The following ASMTL variants were observed in gnomAD, a reference collection of about 807,000 sequenced individuals.
The protein encoded by ASMTL is acetylserotonin O-methyltransferase like.
Under a neutral mutation model 60.3 loss-of-function variants are expected in ASMTL, and 57 were observed. The ratio of observed to expected loss-of-function variants is 0.95; its 90% CI spans 0.76 to 1.18. The LOEUF is 1.18. ASMTL is among the 50% of genes most tolerant of loss of function. ASMTL has a pLI of 0.00. For synonymous variants in ASMTL, 419 were observed against 373.0 expected (o/e 1.12, Z -1.42); for missense variants, 981 against 852.6 (o/e 1.15, Z -1.88).
chrX:1,423,339 GTC>G (rs1228300159), intron 8 of ASMTL, among the ~76,000 whole-genome samples: 3 of 152,036 alleles, frequency 2.0e-5, no homozygotes, highest in Non-Finnish European at 4.4e-5. Flanking sequence ...ATAGTCACAT[GTC>G]TCTGTGGTAA....
intron 7 of ASMTL, 157 bp from the exon 8 acceptor site, chrX:1,425,844 C>A: frequency 4.1e-6 from 1 of 246,422 alleles, no homozygotes; most frequent in Non-Finnish European, 6.5e-6. Flanking sequence ...AGGATCAAGT[C>A]CCCAGCTATA....
At chrX:1,418,464 G>A (rs1172794522) in intron 10 of ASMTL, among the ~76,000 whole-genome samples, 1 of 152,050 alleles carries the variant, frequency 6.6e-6, no homozygotes, top group African/African-American at 2.4e-5. Context: ...TCTGCCCAGG[G>A]GTGGGGGCTG....
At chrX:1,410,998 C>A (rs1314530432) in intron 12 of ASMTL, among the ~76,000 whole-genome samples, 1 of 151,760 alleles carries the variant, frequency 6.6e-6, no homozygotes. Context: ...CCAGCCTGAC[C>A]AACATGGAGA....
chrX:1,443,917 T>C (rs1280393499), intron 1 of ASMTL, among the ~76,000 whole-genome samples: 1 of 152,218 alleles, frequency 6.6e-6, no homozygotes, highest in African/African-American at 2.4e-5. Context: ...CACACCGCCA[T>C]CTTGGACAGA....
rs1326834358 is a variant in ASMTL at position 1,434,885 on chromosome X, C to G, written c.400+137G>C. 1.2e-5 allele frequency: 10 copies of G among 840,006 alleles called. No individual in the cohort carries two copies. In the African/African-American group the frequency reaches 1.5e-4, roughly 13 times the overall value. 52.0% of individuals were successfully genotyped at this position (840,006 alleles called of 1,614,324 possible). A position where few individuals can be genotyped will look rare whatever the true frequency, so the allele number is the denominator to read the frequency against. ...CTTCCAAATCGGCGGACAACTTTCC[C>G]AAGCAGGACATAGGCACAAACCCCT... On this transcript the variant is annotated intron_variant, in intron 5 of 12. Transcript: ENST00000381317.
At chrX:1,432,935 T>G (rs1157108065) in intron 5 of ASMTL, among the ~76,000 whole-genome samples, 2 of 152,252 alleles carry the variant, frequency 1.3e-5, no homozygotes, top group Non-Finnish European at 2.9e-5. Context: ...CCGTCTCTAC[T>G]AAAAATACAA....
chrX:1,412,818 A>C lies in ASMTL; in HGVS notation c.1559T>G (p.Leu520Arg). The C allele has an allele frequency of 1.2e-6, 2 of 1,613,976 alleles. No individual in the cohort carries two copies. The highest frequency in any genetic ancestry group is 1.7e-6 in the Non-Finnish European group (2 of 1,179,866). Residue 520 changes from leucine to arginine, a missense_variant, in exon 12 of 13, where the codon CTG (leucine) becomes CGG (arginine). Transcript: ENST00000381317. ...ATGCAGGATCCGGCACAGGACGTAC[A>C]GCTCAGCGCTGGGGAGGGGGTCCCT... The part of the protein sequence containing the change: ...FFRDPLPSAE[L>R]YVLCRILHDW...
rs1186141594 is a variant in ASMTL, at chrX:1,425,442, C to A, written c.1060+83G>T. ...CAGAAGGTGTGGGCCTCCTTCCTCG[C>A]TCTGCCCAGGCTCCAGGTCACCTTC... On this transcript the variant is annotated intron_variant, in intron 8 of 12. Transcript: ENST00000381317. The A allele has an allele frequency of 7.3e-6, 11 of 1,511,444 alleles. No homozygotes were observed. The African/African-American group carries it at 1.4e-4, about 19-fold the overall frequency. The allele number at this position is 1,511,444 out of a possible 1,614,324, so 93.6% of individuals were successfully genotyped here. A position where few individuals can be genotyped will look rare whatever the true frequency, so the allele number is the denominator to read the frequency against.
At chrX:1,433,060 T>A (rs1288080627) in intron 5 of ASMTL, among the ~76,000 whole-genome samples, 5 of 152,032 alleles carry the variant, frequency 3.3e-5, no homozygotes, top group African/African-American at 1.2e-4. Flanking sequence ...ATCACGCCAC[T>A]GTACTGCAGC....
chrX:1,410,773 C>T (rs1672539543), intron 12 of ASMTL, among the ~76,000 whole-genome samples: 1 of 151,952 alleles, frequency 6.6e-6, no homozygotes, highest in African/African-American at 2.4e-5. Flanking sequence ...GCCTGTACTT[C>T]CAGCTACTCG....
chrX:1,440,125 C>T (rs1420351965), intron 2 of ASMTL, among the ~76,000 whole-genome samples: 20 of 149,696 alleles, frequency 1.3e-4, no homozygotes, highest in South Asian at 6.3e-4. Context: ...CTCGCTCTGT[C>T]GCCCAGGCTG....
rs111652688 is a variant in ASMTL, at chrX:1,429,762, A to C, written c.510-1641T>G. Among the ~76,000 whole-genome samples, 1,048 of 151,872 alleles carry C rather than the reference A, an allele frequency of 6.9e-3. 17 individuals carry two copies. Among genetic ancestry groups the C allele is most frequent in the African/African-American group, 0.023 (974 of 41,448 alleles). On this transcript the variant is annotated intron_variant, in intron 6 of 12. Transcript: ENST00000381317. ...CAGTGAGCCAAGATCGCGCCACTGC[A>C]CTCCAGCCTGGGTGACGGAGGAAGA...
At chrX:1,440,778 A>G (rs1275774897) in intron 2 of ASMTL, among the ~76,000 whole-genome samples, 2 of 152,182 alleles carry the variant, frequency 1.3e-5, no homozygotes, top group African/African-American at 4.8e-5. Flanking sequence ...TACTAAAATA[A>G]TATGTATTAC....
At chrX:1,403,526 C>T (rs1237991923) in intron 12 of ASMTL, 37 bp from the exon 13 acceptor site, 10 of 1,591,358 alleles carry the variant, frequency 6.3e-6, no homozygotes, top group Non-Finnish European at 7.7e-6. Flanking sequence ...TCCTGGCCAG[C>T]CAGGCGGGGA....
At chrX:1,416,256 C>T (rs1349732862) in intron 11 of ASMTL, among the ~76,000 whole-genome samples, 29 of 150,068 alleles carry the variant, frequency 1.9e-4, no homozygotes, top group African/African-American at 6.8e-4. Flanking sequence ...CAGACAGACA[C>T]GCACGGACAC....
chrX:1,421,184 C>T (rs1410034177), intron 9 of ASMTL, among the ~76,000 whole-genome samples: 4 of 151,906 alleles, frequency 2.6e-5, no homozygotes, highest in African/African-American at 9.7e-5. Context: ...AGGTTGGTCT[C>T]GCACTCCTGA....
intron 4 of ASMTL, 34 bp from the exon 5 acceptor site, chrX:1,435,117 G>A (rs1165236000): frequency 6.2e-7 from 1 of 1,610,932 alleles, no homozygotes; most frequent in South Asian, 1.1e-5. Flanking sequence ...ACGTGACCAT[G>A]CTGTGACCCG....
At chrX:1,441,989 CATT>C in intron 2 of ASMTL, 194 bp downstream of exon 2, 1 of 632,698 alleles carries the variant, frequency 1.6e-6, no homozygotes, top group Non-Finnish European at 2.8e-6. Flanking sequence ...AGATAAGCTC[CATT>C]AATTCTGTAT....
intron 12 of ASMTL, among the ~76,000 whole-genome samples, chrX:1,410,730 A>G (rs2089979840): frequency 8.8e-6 from 1 of 113,656 alleles, no homozygotes; most frequent in South Asian, 4.0e-4. Context: ...AACTTCTTAA[A>G]AAATTAGCTG....
Sources: gnomAD v4.1 joint callset for allele counts (sites outside exome capture counted in the v4.1 genomes callset) on GRCh38, gnomAD v4.1.1 for gene constraint, MANE v1.5 for transcripts, NCBI Gene and HGNC (gene_info 2026-07-23, HGNC 2026-07-21) for gene names.